Variants in SPTBN1 observed in about 807,000 individuals in gnomAD.
The protein encoded by SPTBN1 is spectrin beta chain, non-erythrocytic 1.
Under a neutral mutation model 266.4 loss-of-function variants are expected in SPTBN1, and 32 were observed. That is an observed-to-expected ratio of 0.12 (90% CI 0.09 to 0.16). SPTBN1 has a LOEUF of 0.16. SPTBN1 is among the 10% of genes least tolerant of loss of function. The pLI, the probability that SPTBN1 is intolerant of heterozygous loss-of-function variation, is 1.00. For missense variants in SPTBN1, 2,296 were observed against 3,067.1 expected (o/e 0.75, Z 5.94); for synonymous variants, 1,336 against 1,162.2 (o/e 1.15, Z -3.04).
chr2:54,456,898 A>ACGCGGAGGCCCCTGG (rs1308688294), intron 1 of SPTBN1, among the ~76,000 whole-genome samples: 4 of 150,758 alleles, frequency 2.7e-5, no homozygotes, highest in Non-Finnish European at 5.9e-5. Context: ...GCGGCCCCTG[A>ACGCGGAGGCCCCTGG]CGCGGAGGCC....
chr2:54,617,561 C>G lies in SPTBN1; in HGVS notation c.567-47C>G, dbSNP rs775081971. 3.0e-5 allele frequency: 47 copies of G among 1,587,154 alleles called. 2 individuals carry two copies. In the South Asian group the frequency reaches 4.8e-4, roughly 16 times the overall value. ...AAGCACTTGGCAAAAGTATAAACCT[C>G]CATGTGGTAATTGTGTTGCTTTTCC... is the stretch of plus-strand genomic sequence containing the variant. On this transcript the variant is annotated intron_variant, in intron 5 of 35. Transcript: ENST00000356805.
At chr2:54,475,198 C>G (rs908512737) in intron 1 of SPTBN1, among the ~76,000 whole-genome samples, 1 of 152,064 alleles carries the variant, frequency 6.6e-6, no homozygotes, top group African/African-American at 2.4e-5. Flanking sequence ...AAGAGCGAAA[C>G]TCCGTCTCAA....
chr2:54,519,411 A>G (rs1451924989), intron 1 of SPTBN1, among the ~76,000 whole-genome samples: 1 of 152,184 alleles, frequency 6.6e-6, no homozygotes, highest in Non-Finnish European at 1.5e-5. Context: ...TCTAATTCAG[A>G]CCAGGTGGTG....
chr2:54,500,273 A>C (rs1669181569), intron 1 of SPTBN1, among the ~76,000 whole-genome samples: 1 of 152,232 alleles, frequency 6.6e-6, no homozygotes, highest in Non-Finnish European at 1.5e-5. Flanking sequence ...AAATACAACA[A>C]AATTTTAGAG....
chr2:54,550,505 A>G (rs1672507042), intron 2 of SPTBN1, among the ~76,000 whole-genome samples: 1 of 152,150 alleles, frequency 6.6e-6, no homozygotes, highest in African/African-American at 2.4e-5. Context: ...CCCCAACTAT[A>G]TTACCTACAC....
chr2:54,562,918 T>A (rs1382850185), intron 2 of SPTBN1, among the ~76,000 whole-genome samples: 1 of 152,156 alleles, frequency 6.6e-6, no homozygotes, highest in Non-Finnish European at 1.5e-5. Flanking sequence ...TAAAGTTTCT[T>A]CTTTCTTGTC....
At chr2:54,612,731 C>G (rs1023504463) in intron 4 of SPTBN1, among the ~76,000 whole-genome samples, 1 of 152,164 alleles carries the variant, frequency 6.6e-6, no homozygotes, top group African/African-American at 2.4e-5. Context: ...CAACTTCACT[C>G]AACTATGACA....
At chr2:54,486,996 GT>G (rs1452388420) in intron 1 of SPTBN1, among the ~76,000 whole-genome samples, 1 of 152,044 alleles carries the variant, frequency 6.6e-6, no homozygotes, top group Admixed American at 6.6e-5. Flanking sequence ...CTGAGGACCA[GT>G]TTTTGAGGCT....
intron 1 of SPTBN1, among the ~76,000 whole-genome samples, chr2:54,468,131 A>T (rs1168196394): frequency 6.6e-6 from 1 of 152,024 alleles, no homozygotes; most frequent in East Asian, 1.9e-4. Flanking sequence ...ACATAGTGAA[A>T]CTTTGTCTCT....
In SPTBN1 at chr2:54,653,583, G is replaced by T. The variant is rs759252648; in HGVS notation, c.5578-26G>T. On this transcript the variant is annotated intron_variant, in intron 26 of 35. Coordinates refer to ENST00000356805, the MANE Select transcript of SPTBN1 (RefSeq NM_003128.3). The surrounding 1 kb of genome is among the most constrained non-coding windows in gnomAD (Gnocchi z 5.1). ...TGGGAAGGCCGCCATGGGCTGACCT[G>T]GCTCATCCCCTACATGGCTTCACAG... 6.2e-7 allele frequency: 1 copy of T among 1,610,342 alleles called. No individual in the cohort carries two copies. The highest frequency in any genetic ancestry group is 8.5e-7 in the Non-Finnish European group (1 of 1,179,118).
In SPTBN1 at chr2:54,628,971, G is replaced by A. The variant is rs770822811; in HGVS notation, c.1837G>A (p.Val613Met). ...PCDPQVIRDR[V>M]AHMEFCYQEL... Reference sequence around the variant, plus strand: ...TGACCCCCAGGTGATCCGAGACCGCGTGGCCCACATGGAGTTCTGTTATCA... The same window carrying A: ...TGACCCCCAGGTGATCCGAGACCGCATGGCCCACATGGAGTTCTGTTATCA... The change falls in exon 14 of 36, where the codon GTG becomes ATG. Residue 613 changes from valine to methionine, a missense_variant. Around this residue, in one of 12 missense-constraint regions of SPTBN1, gnomAD observed 434 missense variants for 573.9 expected, o/e 0.76. Transcript: ENST00000356805. The surrounding 1 kb of genome is among the most constrained non-coding windows in gnomAD (Gnocchi z 4.3). The A allele has an allele frequency of 1.1e-5, 17 of 1,612,812 alleles. No individual in the cohort carries two copies. In the East Asian group the frequency reaches 1.6e-4, roughly 15 times the overall value.
chr2:54,527,863 G>A (rs1471723204), intron 2 of SPTBN1: 1 of 152,226 alleles, frequency 6.6e-6, no homozygotes, highest in Non-Finnish European at 1.5e-5. Context: ...TTCTAAACAG[G>A]ATGCACCCCT....
intron 2 of SPTBN1, among the ~76,000 whole-genome samples, chr2:54,597,718 G>T (rs1676187406): frequency 6.6e-6 from 1 of 152,206 alleles, no homozygotes; most frequent in Admixed American, 6.5e-5. Context: ...CCTTCCCAGG[G>T]TGTTGGGCTG....
rs974508337 is a variant in SPTBN1, at chr2:54,533,631, A to C, written c.148+7065A>C. ...GATGGCGCGATCTTGGCTCACTGCA[A>C]CCTCCGCCTCCTGGGTCCAAGTGAT... On this transcript the variant is annotated intron_variant, in intron 2 of 35. Coordinates refer to ENST00000356805, the MANE Select transcript of SPTBN1 (RefSeq NM_003128.3). This position sits in a 1 kb window ranked among gnomAD's most constrained non-coding sequence, Gnocchi z 4.2. Among the ~76,000 whole-genome samples the C allele has an allele frequency of 2.0e-5, 3 of 151,756 alleles. No homozygotes were observed. Among genetic ancestry groups the C allele is most frequent in the African/African-American group, 7.3e-5 (3 of 41,266 alleles).
intron 2 of SPTBN1, among the ~76,000 whole-genome samples, chr2:54,529,062 T>C (rs1171730477): frequency 6.6e-6 from 1 of 152,248 alleles, no homozygotes; most frequent in Non-Finnish European, 1.5e-5. Context: ...AATTCAGTAG[T>C]GTCTGGAATA....
chr2:54,509,280 G>A (rs1171864137), intron 1 of SPTBN1, among the ~76,000 whole-genome samples: 1 of 152,216 alleles, frequency 6.6e-6, no homozygotes, highest in Non-Finnish European at 1.5e-5. Flanking sequence ...CCGGAATAGT[G>A]TGGGAGGCTG....
chr2:54,522,697 G>GAGAAAGAGAAAGAAAGAAAGAAAGAA (rs1553439439), intron 1 of SPTBN1, among the ~76,000 whole-genome samples: 4 of 97,330 alleles, frequency 4.1e-5, no homozygotes, highest in African/African-American at 1.7e-4. Flanking sequence ...GAGAGAGAGA[G>GAGAAAGAGAAAGAAAGAAAGAAAGAA]AGAAAGAAAG....
rs538431541 is a variant in SPTBN1, at chr2:54,554,291, T to C, written c.148+27725T>C. Among the ~76,000 whole-genome samples the C allele has an allele frequency of 6.6e-6, 1 of 152,304 alleles. No individual in the cohort carries two copies. The highest frequency in any genetic ancestry group is 2.4e-5 in the African/African-American group (1 of 41,562). On this transcript the variant is annotated intron_variant, in intron 2 of 35. Coordinates refer to ENST00000356805, the MANE Select transcript of SPTBN1 (RefSeq NM_003128.3). The surrounding 1 kb of genome is among the most constrained non-coding windows in gnomAD (Gnocchi z 4.5). ...GGTGGATCTGGGGTCCATGTGTTGG[T>C]TGTGCCACTCACCAGCTGGGGCCCT...
chr2:54,618,741 T>C (rs997128652), intron 7 of SPTBN1, among the ~76,000 whole-genome samples: 4 of 152,180 alleles, frequency 2.6e-5, no homozygotes, highest in African/African-American at 7.2e-5. Context: ...AGGCTGTGCT[T>C]TGCTTATGAG....
Sources: allele counts gnomAD v4.1 joint callset (sites outside exome capture counted in the v4.1 genomes callset), GRCh38; gene constraint gnomAD v4.1.1; regional missense constraint gnomAD v4.1.1; non-coding constraint Gnocchi (gnomAD v3.1); transcripts MANE v1.5; gene names NCBI Gene and HGNC (gene_info 2026-07-23, HGNC 2026-07-21).